GABRG3: variants seen among roughly 807,000 people sequenced by gnomAD.
GABRG3 encodes gamma-aminobutyric acid receptor subunit gamma-3.
Under a neutral mutation model 48.8 loss-of-function variants are expected in GABRG3, and 25 were observed. The ratio of observed to expected loss-of-function variants is 0.51; its 90% CI spans 0.37 to 0.72. GABRG3 has a LOEUF of 0.72. Ranked by LOEUF, GABRG3 falls within the 30% of genes least tolerant of loss-of-function variation. The probability of loss-of-function intolerance (pLI) is 0.00; values close to 1 mark genes in which losing one functional copy is unlikely to be tolerated. For missense variants in GABRG3, 394 were observed against 577.9 expected, an observed-to-expected ratio of 0.68 and a Z score of 3.26; for synonymous variants, 227 against 217.6, an observed-to-expected ratio of 1.04 and a Z score of -0.38.
At chr15:27,139,874 G>A (rs1898073338) in intron 3 of GABRG3, among the ~76,000 whole-genome samples, 1 of 152,162 alleles carries the variant, frequency 6.6e-6, no homozygotes, top group South Asian at 2.1e-4. Context: ...CTGGGGAGCA[G>A]AAAGAGACTG....
intron 3 of GABRG3, among the ~76,000 whole-genome samples, chr15:27,272,362 C>T (rs777405437): frequency 5.3e-5 from 8 of 152,138 alleles, no homozygotes; most frequent in East Asian, 1.9e-4. Context: ...AACCCCCAGA[C>T]GGGGTTGTGT....
chr15:27,488,054 TG>T (rs1595787679), intron 6 of GABRG3, among the ~76,000 whole-genome samples: 1 of 152,182 alleles, frequency 6.6e-6, no homozygotes. Flanking sequence ...AAACCTGCAC[TG>T]GATAAAAGCC....
chr15:27,421,724 G>T (rs1218669464), intron 5 of GABRG3, among the ~76,000 whole-genome samples: 2 of 152,156 alleles, frequency 1.3e-5, no homozygotes, highest in Non-Finnish European at 2.9e-5. Flanking sequence ...GCATCCATGG[G>T]AGTGGGCTAT....
At chr15:27,001,521 T>C (rs182354365) in intron 2 of GABRG3, among the ~76,000 whole-genome samples, 110 of 152,332 alleles carry the variant, frequency 7.2e-4, no homozygotes, top group African/African-American at 2.5e-3. Context: ...GGATGTTGAA[T>C]TTCTTCTAGA....
Position 27,306,322 on chromosome 15 carries a change from CTA to C in GABRG3, c.271-20480_271-20479del, listed in dbSNP as rs1252037276. Among the ~76,000 whole-genome samples the C allele has an allele frequency of 1.5e-4, 19 of 128,728 alleles. 1 individual carries two copies. The highest frequency in any genetic ancestry group is 1.4e-4 in the Non-Finnish European group (9 of 64,474). 84.5% of individuals were successfully genotyped at this position (128,728 alleles called of 152,430 possible). ...AAACATATATATAATATAAACATGT[CTA>C]TATATAAACATAAAATATAAACATG... On this transcript the variant is annotated intron_variant, in intron 3 of 9. Transcript: ENST00000615808.
chr15:27,185,269 C>T (rs1888057259), intron 3 of GABRG3, among the ~76,000 whole-genome samples: 1 of 152,020 alleles, frequency 6.6e-6, no homozygotes, highest in African/African-American at 2.4e-5. Flanking sequence ...TAAAATTTTT[C>T]CTTTGACATA....
chr15:27,515,062 A>G (rs916371306), intron 6 of GABRG3, among the ~76,000 whole-genome samples: 1 of 151,870 alleles, frequency 6.6e-6, no homozygotes, highest in African/African-American at 2.4e-5. Context: ...AAAATTAGGA[A>G]CTTCTTTTTT....
At chr15:27,298,691 T>C (rs1021131178) in intron 3 of GABRG3, among the ~76,000 whole-genome samples, 2 of 152,086 alleles carry the variant, frequency 1.3e-5, no homozygotes, top group Non-Finnish European at 2.9e-5. Context: ...CAATCCTTTA[T>C]TTTTCTTAAT....
intron 5 of GABRG3, among the ~76,000 whole-genome samples, chr15:27,383,821 A>G (rs1302608492): frequency 6.6e-6 from 1 of 152,236 alleles, no homozygotes; most frequent in East Asian, 1.9e-4. Context: ...AAGTGCTTAA[A>G]AGCTTGAAAA....
intron 3 of GABRG3, among the ~76,000 whole-genome samples, chr15:27,207,477 C>A (rs554807995): frequency 6.6e-6 from 1 of 152,256 alleles, no homozygotes; most frequent in East Asian, 1.9e-4. Context: ...AAATTTGTTG[C>A]CCACCTAAGG....
chr15:27,482,147 A>G (rs1890114978), intron 6 of GABRG3, among the ~76,000 whole-genome samples: 1 of 152,250 alleles, frequency 6.6e-6, no homozygotes. Flanking sequence ...AGTCTGAACA[A>G]TTCTTGTGCT....
intron 3 of GABRG3, among the ~76,000 whole-genome samples, chr15:27,121,173 T>A (rs1328256258): frequency 6.6e-6 from 1 of 152,216 alleles, no homozygotes; most frequent in Non-Finnish European, 1.5e-5. Flanking sequence ...AGCCCCATGA[T>A]GGGAACCAGG....
intron 3 of GABRG3, among the ~76,000 whole-genome samples, chr15:27,165,200 A>G (rs1275311685): frequency 6.6e-6 from 1 of 152,162 alleles, no homozygotes; most frequent in Non-Finnish European, 1.5e-5. Flanking sequence ...GCCTGATATG[A>G]GGCAGATGGA....
At chr15:27,088,254 C>T (rs1330699487) in intron 3 of GABRG3, among the ~76,000 whole-genome samples, 4 of 81,168 alleles carry the variant, frequency 4.9e-5, no homozygotes, top group African/African-American at 8.9e-5. Flanking sequence ...TCGGGGCGGG[C>T]GCGGGGGCGG....
rs1178789647 is a variant in GABRG3, at chr15:26,971,483, G to A, written c.-53G>A. ...GGCGGAGACCAGGTCCGCGCCGGAG[G>A]AAGCCGCGCCCGGCCGAGGCCCCGG... On this transcript the variant is annotated 5_prime_UTR_variant, in exon 1 of 10. Transcript: ENST00000615808. 1.4e-6 allele frequency: 2 copies of A among 1,432,842 alleles called. No individual in the cohort carries two copies. Among genetic ancestry groups the A allele is most frequent in the East Asian group, 3.0e-5 (1 of 33,756 alleles). 88.8% of individuals were successfully genotyped at this position (1,432,842 alleles called of 1,614,324 possible).
intron 5 of GABRG3, among the ~76,000 whole-genome samples, chr15:27,388,286 A>G (rs1366645014): frequency 2.8e-4 from 14 of 49,602 alleles, no homozygotes; most frequent in Admixed American, 1.0e-3. Context: ...TAAGGAAGGA[A>G]GGAAGAAAAG....
At chr15:27,434,884 G>A (rs1888562445) in intron 5 of GABRG3, among the ~76,000 whole-genome samples, 1 of 152,170 alleles carries the variant, frequency 6.6e-6, no homozygotes, top group African/African-American at 2.4e-5. Context: ...GAGTCCGACT[G>A]AAGGTTAGCC....
Position 27,541,452 on chromosome 15 carries a change from G to C in GABRG3, c.*8571G>C, listed in dbSNP as rs1014436869. The C allele has an allele frequency of 2.0e-5, 3 of 152,298 alleles. No individual in the cohort carries two copies. The highest frequency in any genetic ancestry group is 1.3e-4 in the Admixed American group (2 of 15,284). The allele number at this position is 152,298 out of a possible 1,614,324, so 9.4% of individuals were successfully genotyped here. On this transcript the variant is annotated 3_prime_UTR_variant, in exon 10 of 10. Transcript: ENST00000615808. ...GCCCAGGCAGGAAGGGAAGGAGAGA[G>C]GCGCGGACTGCTCTCTGTTCCCATG...
At chr15:27,307,638 T>C (rs1189245700) in intron 3 of GABRG3, among the ~76,000 whole-genome samples, 11 of 127,768 alleles carry the variant, frequency 8.6e-5, no homozygotes, top group African/African-American at 3.1e-4. Context: ...TATATTTATA[T>C]ATAAACATAG....
Sources: gnomAD v4.1 joint callset for allele counts (sites outside exome capture counted in the v4.1 genomes callset) on GRCh38, gnomAD v4.1.1 for gene constraint, MANE v1.5 for transcripts, NCBI Gene and HGNC (gene_info 2026-07-23, HGNC 2026-07-21) for gene names.